Variants in CACNG2 observed in about 807,000 individuals in gnomAD.
CACNG2 encodes calcium voltage-gated channel auxiliary subunit gamma 2.
CACNG2 carries 3 observed loss-of-function variants against 25.9 expected under a neutral mutation model. The observed-to-expected ratio is 0.12, with a 90% CI of 0.05 to 0.30. The LOEUF (loss-of-function observed/expected upper bound fraction) is 0.30. CACNG2 is among the 10% of genes least tolerant of loss of function. The pLI is 1.00. For missense variants in CACNG2, 341 were observed against 432.5 expected, an observed-to-expected ratio of 0.79 and a Z score of 1.88; for synonymous variants, 167 against 173.3, an observed-to-expected ratio of 0.96 and a Z score of 0.29.
intron 1 of CACNG2, among the ~76,000 whole-genome samples, chr22:36,625,920 C>T (rs547298028): frequency 1.3e-5 from 2 of 152,036 alleles, no homozygotes; most frequent in Non-Finnish European, 2.9e-5. Context: ...TGCATTGACA[C>T]CTTTTTTTTG....
At chr22:36,575,801 G>C (rs16996946) in intron 2 of CACNG2, among the ~76,000 whole-genome samples, 1 of 152,146 alleles carries the variant, frequency 6.6e-6, no homozygotes, top group African/African-American at 2.4e-5. Flanking sequence ...AATAGTCACC[G>C]TAATCAGGTA....
chr22:36,598,295 C>A (rs1935705591), intron 1 of CACNG2, among the ~76,000 whole-genome samples: 2 of 152,194 alleles, frequency 1.3e-5, no homozygotes, highest in Admixed American at 1.3e-4. Context: ...GCACCAAGAT[C>A]TTTTGCACTT....
chr22:36,625,524 T>C (rs146357904), intron 1 of CACNG2, among the ~76,000 whole-genome samples: 2 of 152,338 alleles, frequency 1.3e-5, no homozygotes, highest in African/African-American at 4.8e-5. Flanking sequence ...GTAAGTATTG[T>C]CCAGCGAATG....
chr22:36,570,867 G>A (rs1935214293), intron 2 of CACNG2, among the ~76,000 whole-genome samples: 1 of 152,058 alleles, frequency 6.6e-6, no homozygotes, highest in African/African-American at 2.4e-5. Context: ...AAGGAAGCTG[G>A]TTTAGGAGCA....
At chr22:36,629,617 A>G (rs1484223614) in intron 1 of CACNG2, among the ~76,000 whole-genome samples, 1 of 152,048 alleles carries the variant, frequency 6.6e-6, no homozygotes, top group East Asian at 1.9e-4. Context: ...TGAAGGAGTT[A>G]GGCAGGTAAA....
chr22:36,615,926 A>C (rs757501928), intron 1 of CACNG2, among the ~76,000 whole-genome samples: 4 of 152,244 alleles, frequency 2.6e-5, no homozygotes, highest in Non-Finnish European at 4.4e-5. Flanking sequence ...GTCTATGTTC[A>C]AACATTCTCT....
intron 1 of CACNG2, among the ~76,000 whole-genome samples, chr22:36,649,043 C>T (rs1403918498): frequency 6.6e-6 from 1 of 152,218 alleles, no homozygotes; most frequent in African/African-American, 2.4e-5. Context: ...ACTTGCAAAG[C>T]CTCAGCAAAT....
chr22:36,626,769 GAGTCTGTAGCTATAC>G (rs1042286542), intron 1 of CACNG2, among the ~76,000 whole-genome samples: 15 of 152,234 alleles, frequency 9.9e-5, no homozygotes. Flanking sequence ...AGTTGATTAA[GAGTCTGTAGCTATAC>G]ATAGGGAGAT....
intron 1 of CACNG2, among the ~76,000 whole-genome samples, chr22:36,628,245 A>C (rs1936214250): frequency 6.6e-6 from 1 of 152,236 alleles, no homozygotes; most frequent in Non-Finnish European, 1.5e-5. Context: ...ATGTTTTTGA[A>C]AGGTACACAG....
intron 1 of CACNG2, among the ~76,000 whole-genome samples, chr22:36,591,515 A>T (rs1935592435): frequency 6.6e-6 from 1 of 151,758 alleles, no homozygotes; most frequent in African/African-American, 2.4e-5. Flanking sequence ...ACAAAAAATA[A>T]AAACAAATTA....
At chr22:36,672,342 G>A (rs2284005) in intron 1 of CACNG2, among the ~76,000 whole-genome samples, 34,610 of 151,904 alleles carry the variant, frequency 0.23, 4,270 homozygotes, top group Middle Eastern at 0.32. Context: ...AATTTTTATA[G>A]AGACTTGGTC....
intron 1 of CACNG2, among the ~76,000 whole-genome samples, chr22:36,623,083 C>T (rs528434575): frequency 4.6e-4 from 62 of 135,104 alleles, no homozygotes; most frequent in African/African-American, 1.7e-3. Context: ...TGCAGTGGCA[C>T]GATCTTGGCT....
intron 1 of CACNG2, among the ~76,000 whole-genome samples, chr22:36,647,872 T>C (rs1345714020): frequency 1.3e-5 from 2 of 152,230 alleles, no homozygotes; most frequent in East Asian, 1.9e-4. Flanking sequence ...GTTGTGTGTG[T>C]GTGTGTATGT....
Position 36,606,778 on chromosome 22 carries a change from GTA to G in CACNG2, c.212-19232_212-19231del, listed in dbSNP as rs1491130659. 1.2e-4 allele frequency among the ~76,000 whole-genome samples: 18 copies of G among 145,980 alleles called. No homozygotes were observed. Among genetic ancestry groups the G allele is most frequent in the Non-Finnish European group, 2.4e-4 (16 of 65,862 alleles). ...TGTGCGTGTGTGTGTGTGTGTGTGTGTATGTGTTTGTATGTATGTGTGTGTGT... is the reference window on the plus strand; with the variant it reads ...TGTGCGTGTGTGTGTGTGTGTGTGTGTGTGTTTGTATGTATGTGTGTGTGT... On this transcript the variant is annotated intron_variant, in intron 1 of 3. Transcript: ENST00000300105. The surrounding 1 kb of genome is among the most constrained non-coding windows in gnomAD (Gnocchi z 5.7).
At chr22:36,627,278 A>AAG (rs1569033870) in intron 1 of CACNG2, among the ~76,000 whole-genome samples, 78 of 51,860 alleles carry the variant, frequency 1.5e-3, no homozygotes, top group Middle Eastern at 0.011. Context: ...GAGAGTGGGG[A>AAG]CGTGTGTGTG....
At chr22:36,636,414 C>G (rs141087799) in intron 1 of CACNG2, among the ~76,000 whole-genome samples, 1 of 152,154 alleles carries the variant, frequency 6.6e-6, no homozygotes, top group Non-Finnish European at 1.5e-5. Flanking sequence ...CAGGTTCCCC[C>G]GGGACCAGCT....
At chr22:36,687,213 T>A (rs1431112078) in intron 1 of CACNG2, among the ~76,000 whole-genome samples, 1 of 152,200 alleles carries the variant, frequency 6.6e-6, no homozygotes, top group Non-Finnish European at 1.5e-5. Context: ...TGTTAACCGG[T>A]TTGTGGAGCC....
chr22:36,629,474 G>A (rs1425331702), intron 1 of CACNG2, among the ~76,000 whole-genome samples: 1 of 151,944 alleles, frequency 6.6e-6, no homozygotes, highest in Non-Finnish European at 1.5e-5. Flanking sequence ...GTGGGAGATA[G>A]AGGAGAGGGG....
Position 36,593,182 on chromosome 22 carries a change from C to T in CACNG2, c.212-5634G>A, listed in dbSNP as rs539476306. Among the ~76,000 whole-genome samples, 78 of 152,306 alleles carry T rather than the reference C, an allele frequency of 5.1e-4. 1 individual carries two copies. The South Asian group carries it at 0.015, about 30-fold the overall frequency. ...GCTTCCCTGACATAGTAAGACTGAT[C>T]GGTACAACAGTATTTCAATATTTAA... On this transcript the variant is annotated intron_variant, in intron 1 of 3. Transcript: ENST00000300105.
Sources: allele counts gnomAD v4.1 joint callset (sites outside exome capture counted in the v4.1 genomes callset), GRCh38; gene constraint gnomAD v4.1.1; non-coding constraint Gnocchi (gnomAD v3.1); transcripts MANE v1.5; gene names NCBI Gene and HGNC (gene_info 2026-07-23, HGNC 2026-07-21).